BDP1: variants seen among roughly 807,000 people sequenced by gnomAD.
The protein encoded by BDP1 is BDP1 general transcription factor IIIB subunit.
BDP1 carries 169 observed loss-of-function variants against 266.6 expected under a neutral mutation model. That is an observed-to-expected ratio of 0.63 (90% CI 0.56 to 0.72). The LOEUF is 0.72. Among genes scored for constraint, BDP1 ranks in the 30% least tolerant of loss-of-function variants. The pLI, the probability that BDP1 is intolerant of heterozygous loss-of-function variation, is 0.00. For missense variants in BDP1, 3,015 were observed against 3,053.8 expected, an observed-to-expected ratio of 0.99 and a Z score of 0.30; for synonymous variants, 1,090 against 1,022.4, an observed-to-expected ratio of 1.07 and a Z score of -1.26.
intron 38 of BDP1, chr5:71,562,849 A>G: frequency 7.7e-7 from 1 of 1,301,126 alleles, no homozygotes; most frequent in Non-Finnish European, 1.0e-6. Flanking sequence ...GTAAAACTAG[A>G]ATTTGTTCAC....
intron 1 of BDP1, 140 bp downstream of exon 1, chr5:71,456,229 T>A: frequency 1.3e-6 from 1 of 776,336 alleles, no homozygotes; most frequent in Non-Finnish European, 2.0e-6. Context: ...ATGAAACCAC[T>A]CCAAACTGCA....
chr5:71,516,329 A>G, intron 21 of BDP1, 58 bp downstream of exon 21: 4 of 1,297,526 alleles, frequency 3.1e-6, no homozygotes, highest in Non-Finnish European at 4.4e-6. Context: ...ATGTCAAGTT[A>G]TAGCTCAGAC....
intron 33 of BDP1, 152 bp from the exon 34 acceptor site, chr5:71,549,268 C>T: frequency 1.5e-6 from 1 of 671,188 alleles, no homozygotes; most frequent in African/African-American, 1.8e-5. Flanking sequence ...AACTTACTTC[C>T]TCAGGCTGGG....
chr5:71,564,646 G>A, intron 38 of BDP1, 108 bp from the exon 39 acceptor site: 6 of 985,666 alleles, frequency 6.1e-6, no homozygotes, highest in Non-Finnish European at 7.2e-6. Flanking sequence ...TTGCCACGTT[G>A]CTTTTCAAAC....
At position 71,509,601 on chromosome 5, in the gene BDP1, A is replaced by C; in HGVS notation, c.2509A>C (p.Ile837Leu). The C allele has an allele frequency of 6.2e-7, 1 of 1,613,976 alleles. No individual in the cohort carries two copies. Among genetic ancestry groups the C allele is most frequent in the Non-Finnish European group, 8.5e-7 (1 of 1,179,996 alleles). Residue 837 changes from isoleucine (I) to leucine (L), a missense_variant, in exon 17 of 39, where the codon ATT (isoleucine) becomes CTT (leucine). Coordinates refer to ENST00000358731, the MANE Select transcript of BDP1 (RefSeq NM_018429.3). ...ISSKEEVLEKILVSGEMAAAL... is the reference protein window; with the variant it reads ...ISSKEEVLEKLLVSGEMAAAL... Reference sequence around the variant, plus strand: ...CTCAAAGGAAGAGGTACTAGAGAAGATTCTTGTCTCTGGGGAAATGGCGGC... The same window carrying C: ...CTCAAAGGAAGAGGTACTAGAGAAGCTTCTTGTCTCTGGGGAAATGGCGGC...
Position 71,455,971 on chromosome 5 carries a change from G to T in BDP1, c.94G>T (p.Glu32Ter). The T allele has an allele frequency of 6.2e-7, 1 of 1,613,330 alleles. No homozygotes were observed. Among genetic ancestry groups the T allele is most frequent in the Non-Finnish European group, 8.5e-7 (1 of 1,179,924 alleles). The part of the protein sequence containing the change: ...STASNPQRGR[E>*]SPRPPDPATD... Reference sequence around the variant, plus strand: ...AGCTTCCAATCCCCAGCGTGGACGGGAGTCTCCCAGGCCGCCGGATCCTGC... The same window carrying T: ...AGCTTCCAATCCCCAGCGTGGACGGTAGTCTCCCAGGCCGCCGGATCCTGC... The change falls in exon 1 of 39, where the codon GAG becomes TAG. Residue 32 changes from glutamate (E) to a stop codon, truncating the protein, a stop_gained. Transcript: ENST00000358731. LOFTEE classifies it high-confidence loss of function.
chr5:71,533,799 A>G (rs185201125), intron 26 of BDP1, among the ~76,000 whole-genome samples: 1 of 152,066 alleles, frequency 6.6e-6, no homozygotes, highest in Non-Finnish European at 1.5e-5. Context: ...GTGAGTGTGA[A>G]GTGGTGTCAC....
At chr5:71,492,276 C>T (rs773971752) in intron 11 of BDP1, among the ~76,000 whole-genome samples, 41 of 152,290 alleles carry the variant, frequency 2.7e-4, no homozygotes, top group Middle Eastern at 6.8e-3. Flanking sequence ...GTTGCTAGAT[C>T]ATATGGTAGT....
At chr5:71,463,817 CTGT>C (rs946874690) in intron 3 of BDP1, among the ~76,000 whole-genome samples, 6 of 128,930 alleles carry the variant, frequency 4.7e-5, no homozygotes, top group African/African-American at 1.7e-4. Context: ...CAGCAAGACC[CTGT>C]TGTTGTATTA....
intron 13 of BDP1, 63 bp downstream of exon 13, chr5:71,497,489 T>C (rs1763968010): frequency 7.5e-7 from 1 of 1,326,522 alleles, no homozygotes; most frequent in Non-Finnish European, 1.0e-6. Flanking sequence ...TAGTTGGGAA[T>C]AAAAGTTGTT....
intron 36 of BDP1, among the ~76,000 whole-genome samples, chr5:71,557,375 A>T (rs1743295967): frequency 5.8e-5 from 6 of 103,346 alleles, no homozygotes; most frequent in East Asian, 2.5e-4. Context: ...TGCCAAGCTA[A>T]TTTTTTTTTT....
intron 7 of BDP1, among the ~76,000 whole-genome samples, chr5:71,474,003 CAG>C (rs1223317509): frequency 1.3e-5 from 2 of 152,064 alleles, no homozygotes; most frequent in African/African-American, 2.4e-5. Flanking sequence ...TTTTTTGACA[CAG>C]AGTCTTGCTC....
At chr5:71,570,774 C>G (rs1744239755), downstream of BDP1, among the ~76,000 whole-genome samples, 1 of 152,188 alleles carries the variant, frequency 6.6e-6, no homozygotes, top group African/African-American at 2.4e-5. Context: ...AAAGGACAAC[C>G]ATCATAGTGG....
At chr5:71,553,360 G>T in intron 35 of BDP1, 40 bp downstream of exon 35, 3 of 1,386,046 alleles carry the variant, frequency 2.2e-6, no homozygotes, top group Non-Finnish European at 2.0e-6. Flanking sequence ...TGGCCATTAA[G>T]TAAGATGGCC....
In BDP1 at chr5:71,511,154, A is replaced by G. The variant is rs1764898062; in HGVS notation, c.4059+3A>G. On this transcript the variant is annotated splice_donor_region_variant and intron_variant, in intron 17 of 38. Coordinates refer to ENST00000358731, the MANE Select transcript of BDP1 (RefSeq NM_018429.3). ...CTGTGCCTTCACTAGATATTCAGGT[A>G]TGTATTTTTCTGTCCTTTAAAAGTT... 1 of 1,596,262 alleles carries G rather than the reference A, an allele frequency of 6.3e-7. No homozygotes were observed. Among genetic ancestry groups the G allele is most frequent in the Non-Finnish European group, 8.5e-7 (1 of 1,175,148 alleles).
rs1761603375 is a variant in BDP1 at position 71,461,997 on chromosome 5, C to T, written c.599+71C>T. Reference sequence around the variant, plus strand: ...TTTTTTTTGGAGGTGGAGTCTCGCTCTGTCACCCGGGCTGGAGTGCAGTGG... The same window carrying T: ...TTTTTTTTGGAGGTGGAGTCTCGCTTTGTCACCCGGGCTGGAGTGCAGTGG... On this transcript the variant is annotated intron_variant, in intron 3 of 38. Coordinates refer to ENST00000358731, the MANE Select transcript of BDP1 (RefSeq NM_018429.3). The T allele has an allele frequency of 3.6e-6, 3 of 832,908 alleles. No individual in the cohort carries two copies. The Admixed American group carries it at 7.3e-5, about 20-fold the overall frequency. The allele number at this position is 832,908 out of a possible 1,614,324, so 51.6% of individuals were successfully genotyped here.
intron 36 of BDP1, among the ~76,000 whole-genome samples, chr5:71,558,396 G>A (rs749867691): frequency 5.9e-5 from 9 of 151,630 alleles, no homozygotes; most frequent in Admixed American, 6.6e-5. Flanking sequence ...GGTGGTGGGC[G>A]CCTGTAATCC....
At chr5:71,563,431 C>T (rs1743818194) in intron 38 of BDP1, among the ~76,000 whole-genome samples, 1 of 152,292 alleles carries the variant, frequency 6.6e-6, no homozygotes, top group Admixed American at 6.5e-5. Context: ...GCCACTGTGC[C>T]TGGCCTGTAG....
At chr5:71,480,125 AT>A (rs1196564528) in intron 7 of BDP1, among the ~76,000 whole-genome samples, 1 of 106,776 alleles carries the variant, frequency 9.4e-6, no homozygotes, top group African/African-American at 3.7e-5. Flanking sequence ...TTTTTTTTTT[AT>A]TTTGAGACGG....
Sources: gnomAD v4.1 joint callset for allele counts (sites outside exome capture counted in the v4.1 genomes callset) on GRCh38, gnomAD v4.1.1 for gene constraint, MANE v1.5 for transcripts, NCBI Gene and HGNC (gene_info 2026-07-23, HGNC 2026-07-21) for gene names.